The following CAB39 variants were observed in gnomAD, a reference collection of about 807,000 sequenced individuals.
CAB39 encodes the protein calcium binding protein 39.
Under a neutral mutation model 40.0 loss-of-function variants are expected in CAB39, and 8 were observed. The observed-to-expected ratio is 0.20, with a 90% CI of 0.12 to 0.36. The LOEUF (loss-of-function observed/expected upper bound fraction) is 0.36. Among genes scored for constraint, CAB39 ranks in the 10% least tolerant of loss-of-function variants. CAB39 has a pLI of 1.00. For synonymous variants in CAB39, 156 were observed against 141.6 expected (o/e 1.10, Z -0.72); for missense variants, 270 against 401.1 (o/e 0.67, Z 2.79).
At chr2:230,753,756 AAAAG>A (rs1388714944) in intron 1 of CAB39, among the ~76,000 whole-genome samples, 2 of 151,868 alleles carry the variant, frequency 1.3e-5, no homozygotes, top group Admixed American at 6.6e-5. Context: ...AAAAAAAAAA[AAAAG>A]AAAAGAAAAA....
At chr2:230,792,215 T>TGGGG (rs1695904329) in intron 3 of CAB39, among the ~76,000 whole-genome samples, 11 of 152,200 alleles carry the variant, frequency 7.2e-5, no homozygotes, top group Non-Finnish European at 1.5e-4. Flanking sequence ...ACAGCAACAA[T>TGGGG]TTGTATTTCC....
chr2:230,801,990 A>G (rs1696098683), intron 5 of CAB39, among the ~76,000 whole-genome samples: 1 of 152,044 alleles, frequency 6.6e-6, no homozygotes, highest in Admixed American at 6.5e-5. Flanking sequence ...AATTAAGGAG[A>G]TGGAGAGGGG....
intron 1 of CAB39, among the ~76,000 whole-genome samples, chr2:230,714,947 C>T (rs1694322800): frequency 6.6e-6 from 1 of 152,158 alleles, no homozygotes; most frequent in Non-Finnish European, 1.5e-5. Context: ...TTCTGCTTTT[C>T]AAAATAATAC....
intron 2 of CAB39, among the ~76,000 whole-genome samples, chr2:230,771,985 A>G (rs1695490413): frequency 6.6e-6 from 1 of 152,236 alleles, no homozygotes; most frequent in Admixed American, 6.5e-5. Flanking sequence ...TAAAGTTGCC[A>G]GAAGAAAATC....
chr2:230,748,831 AAT>A (rs71052546), intron 1 of CAB39, among the ~76,000 whole-genome samples: 498 of 28,386 alleles, frequency 0.018, 4 homozygotes, highest in African/African-American at 0.039. Flanking sequence ...AAAAAAAAAA[AAT>A]ATATATATAT....
At chr2:230,789,758 C>A (rs997267584) in intron 2 of CAB39, among the ~76,000 whole-genome samples, 1 of 152,216 alleles carries the variant, frequency 6.6e-6, no homozygotes, top group African/African-American at 2.4e-5. Context: ...AAACTCTAGT[C>A]TTCTTGGCCT....
At position 230,773,312 on chromosome 2, in the gene CAB39, ATATG is replaced by A. The variant is rs1410625072; in HGVS notation, c.114+13199_114+13202del. Among the ~76,000 whole-genome samples, 76 of 85,124 alleles carry A rather than the reference ATATG, an allele frequency of 8.9e-4. No homozygotes were observed. In the East Asian group the frequency reaches 9.2e-3, roughly 10 times the overall value. The allele number at this position is 85,124 out of a possible 152,430, so 55.8% of individuals were successfully genotyped here. A position where few individuals can be genotyped will look rare whatever the true frequency, so the allele number is the denominator to read the frequency against. ...TGGGTGTATGTGTATATATATATAT[ATATG>A]TGTGTGTGTGTGTGTGTGTGTGTGT... On this transcript the variant is annotated intron_variant, in intron 2 of 8. Transcript: ENST00000258418.
chr2:230,735,553 A>G (rs1260652581), intron 1 of CAB39, among the ~76,000 whole-genome samples: 1 of 151,982 alleles, frequency 6.6e-6, no homozygotes, highest in Non-Finnish European at 1.5e-5. Context: ...TCCTTCTGTC[A>G]CCCAGGCTGG....
At position 230,786,032 on chromosome 2, in the gene CAB39, C is replaced by T. The variant is rs530502562; in HGVS notation, c.115-4840C>T. ...ACAAAAAATTAGCCGGGTGTTGTGG[C>T]GGGTGCCTGTAGTCCCAGCTACTGG... is the stretch of plus-strand genomic sequence containing the variant. On this transcript the variant is annotated intron_variant, in intron 2 of 8. Transcript: ENST00000258418. 6.6e-5 allele frequency among the ~76,000 whole-genome samples: 10 copies of T among 151,354 alleles called. No individual in the cohort carries two copies. In the South Asian group the frequency reaches 1.0e-3, roughly 16 times the overall value.
At chr2:230,727,407 TTTC>T (rs1229856697) in intron 1 of CAB39, among the ~76,000 whole-genome samples, 15 of 149,250 alleles carry the variant, frequency 1.0e-4, no homozygotes, top group African/African-American at 3.7e-4. Flanking sequence ...TGTATTTTTT[TTTC>T]TTTTTCTTTT....
At chr2:230,723,504 C>G (rs760535234) in intron 1 of CAB39, among the ~76,000 whole-genome samples, 2 of 152,192 alleles carry the variant, frequency 1.3e-5, no homozygotes, top group African/African-American at 2.4e-5. Context: ...GTGTCTTCAT[C>G]TCTACGTTCC....
chr2:230,766,331 A>G (rs1189163465), intron 2 of CAB39, among the ~76,000 whole-genome samples: 1 of 152,256 alleles, frequency 6.6e-6, no homozygotes, highest in Non-Finnish European at 1.5e-5. Context: ...ATAAACATTT[A>G]CAAAATACAA....
At chr2:230,739,358 A>T (rs762419656) in intron 1 of CAB39, among the ~76,000 whole-genome samples, 1 of 152,238 alleles carries the variant, frequency 6.6e-6, no homozygotes, top group East Asian at 1.9e-4. Flanking sequence ...TTGTTAGGGT[A>T]TCTGTGAATA....
At chr2:230,717,361 T>C (rs1173390052) in intron 1 of CAB39, among the ~76,000 whole-genome samples, 1 of 152,218 alleles carries the variant, frequency 6.6e-6, no homozygotes, top group Non-Finnish European at 1.5e-5. Context: ...GAGCCTTCTT[T>C]AATTACAGAA....
chr2:230,820,464 A>T lies in CAB39; in HGVS notation c.*1760A>T, dbSNP rs1351875945. 1 of 152,228 alleles carries T rather than the reference A, an allele frequency of 6.6e-6. No individual in the cohort carries two copies. Among genetic ancestry groups the T allele is most frequent in the African/African-American group, 2.4e-5 (1 of 41,456 alleles). 9.4% of individuals were successfully genotyped at this position (152,228 alleles called of 1,614,324 possible). On this transcript the variant is annotated 3_prime_UTR_variant, in exon 9 of 9. Coordinates refer to ENST00000258418, the MANE Select transcript of CAB39 (RefSeq NM_016289.4). ...TACCAGAATCTGTGTGAAATAAGGCAATCTAGTCTCCTTGAAAAAAAAATC... is the reference window on the plus strand; with the variant it reads ...TACCAGAATCTGTGTGAAATAAGGCTATCTAGTCTCCTTGAAAAAAAAATC...
intron 1 of CAB39, among the ~76,000 whole-genome samples, chr2:230,722,836 G>A (rs1052976634): frequency 1.1e-4 from 17 of 152,312 alleles, no homozygotes; most frequent in African/African-American, 3.8e-4. Flanking sequence ...CTAGTTGGAT[G>A]TATCATTTGT....
rs1447588876 is a variant in CAB39, at chr2:230,732,539, T to TC, written c.-44+19309_-44+19310insC. Among the ~76,000 whole-genome samples, 77 of 152,318 alleles carry TC rather than the reference T, an allele frequency of 5.1e-4. 1 individual carries two copies. Among genetic ancestry groups the TC allele is most frequent in the African/African-American group, 1.7e-3 (69 of 41,560 alleles). ...TTATTTTCAGTTGTATCCCACCTTG[T>TC]GAGGAGTACATGAAGATGGCCCTTG... is the stretch of plus-strand genomic sequence containing the variant. On this transcript the variant is annotated intron_variant, in intron 1 of 8. Transcript: ENST00000258418.
chr2:230,782,766 C>T, intron 2 of CAB39, among the ~76,000 whole-genome samples: 1 of 150,060 alleles, frequency 6.7e-6, no homozygotes, highest in East Asian at 1.9e-4. Flanking sequence ...CAAGTATTTC[C>T]TCCAACATTG....
chr2:230,754,081 C>T (rs552957986), intron 1 of CAB39, among the ~76,000 whole-genome samples: 2 of 152,212 alleles, frequency 1.3e-5, no homozygotes, highest in South Asian at 4.2e-4. Context: ...AGGATCAAGG[C>T]CAGAGGCTGT....
Sources: gnomAD v4.1 joint callset for allele counts (sites outside exome capture counted in the v4.1 genomes callset) on GRCh38, gnomAD v4.1.1 for gene constraint, MANE v1.5 for transcripts, NCBI Gene and HGNC (gene_info 2026-07-23, HGNC 2026-07-21) for gene names.